RCAN2: variants seen among roughly 807,000 people sequenced by gnomAD.
RCAN2 encodes regulator of calcineurin 2.
In RCAN2, 9 loss-of-function variants were observed where a neutral mutation model predicts 23.6. The observed-to-expected ratio is 0.38, with a 90% CI of 0.23 to 0.67. The LOEUF (loss-of-function observed/expected upper bound fraction) is 0.67, where lower values mean the gene tolerates loss of function less well. Among genes scored for constraint, RCAN2 ranks in the 30% least tolerant of loss-of-function variants. The pLI, the probability that RCAN2 is intolerant of heterozygous loss-of-function variation, is 0.51. For missense variants in RCAN2, 273 were observed against 302.3 expected, an observed-to-expected ratio of 0.90 and a Z score of 0.72; for synonymous variants, 109 against 115.7, an observed-to-expected ratio of 0.94 and a Z score of 0.37.
rs200013175 is a variant in RCAN2, at chr6:46,264,781, CA to C, written c.226-15886del. Among the ~76,000 whole-genome samples the C allele has an allele frequency of 8.2e-4, 125 of 152,336 alleles. 1 individual carries two copies. Among genetic ancestry groups the C allele is most frequent in the African/African-American group, 2.9e-3 (121 of 41,574 alleles). The stretch of plus-strand genomic sequence containing the variant: ...CAAAATTTGGGAATGCAACTTTGCA[CA>C]GTGGTTACATTTTCATGTGGGAATT... On this transcript the variant is annotated intron_variant, in intron 2 of 4. Coordinates refer to ENST00000371374, the MANE Select transcript of RCAN2 (RefSeq NM_001251974.2).
chr6:46,292,967 T>C (rs1380715996), intron 2 of RCAN2, among the ~76,000 whole-genome samples: 1 of 152,198 alleles, frequency 6.6e-6, no homozygotes, highest in East Asian at 1.9e-4. Flanking sequence ...AGTGAGAACA[T>C]GCAGTGTTTG....
intron 2 of RCAN2, among the ~76,000 whole-genome samples, chr6:46,401,656 G>A (rs1003143549): frequency 3.3e-5 from 5 of 152,172 alleles, no homozygotes; most frequent in African/African-American, 2.4e-5. Flanking sequence ...AGTAGCTAGC[G>A]TTAATTTAAT....
chr6:46,383,571 T>C (rs531402003), intron 2 of RCAN2, among the ~76,000 whole-genome samples: 3 of 152,340 alleles, frequency 2.0e-5, no homozygotes, highest in African/African-American at 7.2e-5. Context: ...TAAAAATATA[T>C]ATGAATTAAA....
intron 1 of RCAN2, among the ~76,000 whole-genome samples, chr6:46,487,075 TA>T (rs543740617): frequency 2.6e-5 from 4 of 152,220 alleles, no homozygotes; most frequent in Admixed American, 1.3e-4. Context: ...ACAAAGCACA[TA>T]TCTGTGCACA....
chr6:46,453,006 C>T (rs951292299), intron 2 of RCAN2, among the ~76,000 whole-genome samples: 1 of 152,140 alleles, frequency 6.6e-6, no homozygotes, highest in Non-Finnish European at 1.5e-5. Flanking sequence ...TCAGTCATTG[C>T]TTCACTGTTC....
intron 2 of RCAN2, among the ~76,000 whole-genome samples, chr6:46,413,359 TA>T (rs1766600733): frequency 6.6e-6 from 1 of 152,224 alleles, no homozygotes; most frequent in African/African-American, 2.4e-5. Context: ...TTAATTAGGC[TA>T]ATTAAATTAG....
chr6:46,341,903 G>A (rs1764331938), intron 2 of RCAN2, among the ~76,000 whole-genome samples: 1 of 152,172 alleles, frequency 6.6e-6, no homozygotes, highest in African/African-American at 2.4e-5. Flanking sequence ...GACAGAGGAA[G>A]GTAAGGAAGG....
intron 1 of RCAN2, among the ~76,000 whole-genome samples, chr6:46,467,145 T>C (rs1768408216): frequency 6.6e-6 from 1 of 152,178 alleles, no homozygotes; most frequent in South Asian, 2.1e-4. Context: ...TTCCACCCAA[T>C]GTTGAGCGCA....
At chr6:46,480,440 C>T (rs1349293147) in intron 1 of RCAN2, among the ~76,000 whole-genome samples, 1 of 152,162 alleles carries the variant, frequency 6.6e-6, no homozygotes, top group Admixed American at 6.5e-5. Context: ...ATAAGCATTT[C>T]AAAATAATTT....
At chr6:46,273,582 A>C (rs1767588086) in intron 2 of RCAN2, among the ~76,000 whole-genome samples, 1 of 152,232 alleles carries the variant, frequency 6.6e-6, no homozygotes, top group Non-Finnish European at 1.5e-5. Flanking sequence ...AATAACTAAA[A>C]GTTATGACCA....
chr6:46,436,132 G>A (rs1767355962), intron 2 of RCAN2, among the ~76,000 whole-genome samples: 1 of 152,222 alleles, frequency 6.6e-6, no homozygotes. Context: ...TGAGGGTAGT[G>A]AGACTAGACA....
At chr6:46,386,327 G>T (rs374671114) in intron 2 of RCAN2, among the ~76,000 whole-genome samples, 1 of 151,922 alleles carries the variant, frequency 6.6e-6, no homozygotes, top group South Asian at 2.1e-4. Flanking sequence ...GGCCGGGTGC[G>T]GTGGCTCACA....
chr6:46,280,511 C>A (rs1163267596), intron 2 of RCAN2, among the ~76,000 whole-genome samples: 1 of 151,854 alleles, frequency 6.6e-6, no homozygotes, highest in Non-Finnish European at 1.5e-5. Context: ...GCACACACAG[C>A]AAGGCAAATT....
rs1235828884 is a variant in RCAN2, at chr6:46,222,023, G to A, written c.*1118C>T. The A allele has an allele frequency of 2.5e-6, 1 of 398,332 alleles. No homozygotes were observed. Among genetic ancestry groups the A allele is most frequent in the Admixed American group, 4.4e-5 (1 of 22,712 alleles). 24.7% of individuals were successfully genotyped at this position (398,332 alleles called of 1,614,324 possible). A position where few individuals can be genotyped will look rare whatever the true frequency, so the allele number is the denominator to read the frequency against. On this transcript the variant is annotated 3_prime_UTR_variant, in exon 5 of 5. Transcript: ENST00000371374. ...GCTGCTGCTGCATTCTGGGGATTTA[G>A]CTTCATCCCAATAATCTACAACTGA... is the stretch of plus-strand genomic sequence containing the variant.
chr6:46,273,972 C>A (rs572113748), intron 2 of RCAN2, among the ~76,000 whole-genome samples: 1 of 152,048 alleles, frequency 6.6e-6, no homozygotes, highest in Admixed American at 6.6e-5. Context: ...AGGCTGGGTA[C>A]ATAAGATGCT....
intron 4 of RCAN2, among the ~76,000 whole-genome samples, chr6:46,237,920 T>A (rs1342551147): frequency 6.6e-6 from 1 of 152,180 alleles, no homozygotes; most frequent in African/African-American, 2.4e-5. Context: ...GCCAACCATG[T>A]GAGTGAACCA....
intron 2 of RCAN2, among the ~76,000 whole-genome samples, chr6:46,276,048 CTA>C (rs953432213): frequency 3.9e-5 from 6 of 151,924 alleles, no homozygotes; most frequent in African/African-American, 1.5e-4. Context: ...TCTACTAAAA[CTA>C]CAAAAATTAG....
chr6:46,450,817 G>A (rs191068756), intron 2 of RCAN2, among the ~76,000 whole-genome samples: 4 of 152,144 alleles, frequency 2.6e-5, no homozygotes, highest in African/African-American at 9.6e-5. Flanking sequence ...ATTTTAGCTG[G>A]ACAGGAGGAA....
At chr6:46,406,815 T>C (rs1766418870) in intron 2 of RCAN2, among the ~76,000 whole-genome samples, 1 of 152,244 alleles carries the variant, frequency 6.6e-6, no homozygotes, top group Non-Finnish European at 1.5e-5. Context: ...TGACATTTTA[T>C]ATTTTATTCT....
Sources: gnomAD v4.1 joint callset for allele counts (sites outside exome capture counted in the v4.1 genomes callset) on GRCh38, gnomAD v4.1.1 for gene constraint, MANE v1.5 for transcripts, NCBI Gene and HGNC (gene_info 2026-07-23, HGNC 2026-07-21) for gene names.